The following CNKSR3 variants were observed in gnomAD, a reference collection of about 807,000 sequenced individuals.
CNKSR3 encodes the protein CNKSR family member 3.
In CNKSR3, 36 loss-of-function variants were observed where a neutral mutation model predicts 67.7. The ratio of observed to expected loss-of-function variants is 0.53; its 90% confidence interval spans 0.41 to 0.70. CNKSR3 has a LOEUF of 0.70. CNKSR3 is among the 30% of genes least tolerant of loss of function. The pLI is 0.00. For synonymous variants in CNKSR3, 281 were observed against 271.4 expected (o/e 1.04, Z -0.35); for missense variants, 630 against 695.2 (o/e 0.91, Z 1.05).
At chr6:154,474,915 G>A (rs570203859) in intron 1 of CNKSR3, among the ~76,000 whole-genome samples, 1 of 152,356 alleles carries the variant, frequency 6.6e-6, no homozygotes, top group East Asian at 1.9e-4. Flanking sequence ...GAGTCAGAAA[G>A]TTGGGCAGAG....
chr6:154,491,957 C>T (rs1027401073), intron 1 of CNKSR3, among the ~76,000 whole-genome samples: 8 of 152,158 alleles, frequency 5.3e-5, no homozygotes, highest in East Asian at 1.9e-4. Context: ...AGGTGCTTCA[C>T]GAGCAGGTGG....
At chr6:154,507,059 A>C (rs1213391390) in intron 1 of CNKSR3, among the ~76,000 whole-genome samples, 1 of 152,224 alleles carries the variant, frequency 6.6e-6, no homozygotes, top group Non-Finnish European at 1.5e-5. Flanking sequence ...CTCAACTGCA[A>C]AATGGAAATA....
At chr6:154,482,532 T>C (rs1026720348) in intron 1 of CNKSR3, among the ~76,000 whole-genome samples, 1 of 152,240 alleles carries the variant, frequency 6.6e-6, no homozygotes, top group Non-Finnish European at 1.5e-5. Flanking sequence ...TATCTAAATA[T>C]AGTGATGCAG....
At position 154,406,479 on chromosome 6, in the gene CNKSR3, C is replaced by A; in HGVS notation, c.1543G>T (p.Ala515Ser). 6.2e-7 allele frequency: 1 copy of A among 1,614,170 alleles called. No homozygotes were observed. Among genetic ancestry groups the A allele is most frequent in the Non-Finnish European group, 8.5e-7 (1 of 1,180,034 alleles). Reference protein sequence around the residue: ...CYINSDLHSSATIPFQEEGTK... With the variant: ...CYINSDLHSSSTIPFQEEGTK... ...CCTTCCTCCTGGAATGGAATCGTGG[C>A]GCTGCTGTGGAGATCTGAGTTGATG... The change falls in exon 13 of 13, where the codon GCC becomes TCC. Residue 515 changes from alanine (A) to serine (S), a missense_variant. Ala to Ser is a moderately conservative substitution (Grantham distance 99). Coordinates refer to ENST00000607772, the MANE Select transcript of CNKSR3 (RefSeq NM_173515.4).
At chr6:154,482,121 G>A (rs569344705) in intron 1 of CNKSR3, among the ~76,000 whole-genome samples, 1 of 152,286 alleles carries the variant, frequency 6.6e-6, no homozygotes, top group East Asian at 1.9e-4. Context: ...CTCTCAAATA[G>A]GCTTTGTAAA....
chr6:154,411,462 C>A (rs1784909403), intron 10 of CNKSR3, among the ~76,000 whole-genome samples: 2 of 152,024 alleles, frequency 1.3e-5, no homozygotes, highest in South Asian at 4.2e-4. Context: ...GCCTGACAAA[C>A]AAGGTGAAAC....
chr6:154,422,110 A>C (rs943509819), intron 9 of CNKSR3, among the ~76,000 whole-genome samples: 19 of 150,332 alleles, frequency 1.3e-4, no homozygotes, highest in Non-Finnish European at 2.2e-4. Flanking sequence ...CTCCTGCCTC[A>C]GCCTCCCCAG....
At chr6:154,486,682 C>T (rs1388025152) in intron 1 of CNKSR3, among the ~76,000 whole-genome samples, 2 of 150,586 alleles carry the variant, frequency 1.3e-5, no homozygotes, top group African/African-American at 2.4e-5. Flanking sequence ...TTAGTAGAGA[C>T]GGGGTTTCAC....
At chr6:154,473,399 G>A (rs1015745478) in intron 1 of CNKSR3, among the ~76,000 whole-genome samples, 2 of 152,108 alleles carry the variant, frequency 1.3e-5, no homozygotes, top group Admixed American at 6.5e-5. Context: ...AATGATTATC[G>A]CCATTTTTTT....
rs576635461 is a variant in CNKSR3 at position 154,474,236 on chromosome 6, C to A, written c.53-23978G>T. ...CACCATCCTGGCTCACATGGTGAAA[C>A]CCCGTCTCTACTAAAAAACATAAAA... On this transcript the variant is annotated intron_variant, in intron 1 of 12. Coordinates refer to ENST00000607772, the MANE Select transcript of CNKSR3 (RefSeq NM_173515.4). Among the ~76,000 whole-genome samples the A allele has an allele frequency of 5.9e-5, 9 of 151,544 alleles. No homozygotes were observed. In the South Asian group the frequency reaches 1.0e-3, roughly 18 times the overall value.
Position 154,505,946 on chromosome 6 carries a change from G to A in CNKSR3, c.52+4117C>T, listed in dbSNP as rs375474030. ...TAAAGCAGAAAAACGACTTGTGGTA[G>A]CTGCATTTGACAATGAAATTTCTCA... On this transcript the variant is annotated intron_variant, in intron 1 of 12. Coordinates refer to ENST00000607772, the MANE Select transcript of CNKSR3 (RefSeq NM_173515.4). 1.2e-4 allele frequency among the ~76,000 whole-genome samples: 19 copies of A among 152,322 alleles called. No individual in the cohort carries two copies. The South Asian group carries it at 3.3e-3, about 27-fold the overall frequency.
chr6:154,503,205 C>T (rs1435769089), intron 1 of CNKSR3, among the ~76,000 whole-genome samples: 11 of 152,122 alleles, frequency 7.2e-5, no homozygotes, highest in Admixed American at 7.2e-4. Flanking sequence ...GTGTGACTAG[C>T]CAAAAGCCCA....
At chr6:154,496,552 T>G (rs899206397) in intron 1 of CNKSR3, among the ~76,000 whole-genome samples, 3 of 152,248 alleles carry the variant, frequency 2.0e-5, no homozygotes, top group Non-Finnish European at 2.9e-5. Flanking sequence ...ATGTGGGCAT[T>G]TTGATGTATT....
At chr6:154,448,835 C>T (rs948688812) in intron 2 of CNKSR3, among the ~76,000 whole-genome samples, 3 of 152,176 alleles carry the variant, frequency 2.0e-5, no homozygotes, top group Non-Finnish European at 4.4e-5. Flanking sequence ...CGCAGACCAG[C>T]GACGGCAAAA....
At chr6:154,452,629 G>A (rs146217375) in intron 1 of CNKSR3, among the ~76,000 whole-genome samples, 1 of 152,336 alleles carries the variant, frequency 6.6e-6, no homozygotes, top group East Asian at 1.9e-4. Flanking sequence ...TTTCAAGCCT[G>A]TTATGGCTAA....
chr6:154,493,882 T>C (rs1480503624), intron 1 of CNKSR3, among the ~76,000 whole-genome samples: 1 of 151,812 alleles, frequency 6.6e-6, no homozygotes, highest in Non-Finnish European at 1.5e-5. Context: ...TCCCACCAGG[T>C]CCCTCCTCCA....
Position 154,450,217 on chromosome 6 carries a change from G to A in CNKSR3, c.94C>T (p.Arg32Ter), listed in dbSNP as rs758948490. The A allele has an allele frequency of 2.5e-6, 4 of 1,614,098 alleles. No homozygotes were observed. The highest frequency in any genetic ancestry group is 3.4e-6 in the Non-Finnish European group (4 of 1,180,018). ...AGCTGCTCGCCGTTGATCTTCTCTC[G>A]TTCAAACTTGTGGACATATTGTTGC... ...CLQQYVHKFE[R>*]EKINGEQLLQ... Residue 32 changes from arginine to a stop codon, truncating the protein, a stop_gained, in exon 2 of 13, where the codon CGA becomes TGA. Coordinates refer to ENST00000607772, the MANE Select transcript of CNKSR3 (RefSeq NM_173515.4). LOFTEE classifies it high-confidence loss of function.
At chr6:154,454,193 A>G (rs1459196391) in intron 1 of CNKSR3, among the ~76,000 whole-genome samples, 1 of 151,738 alleles carries the variant, frequency 6.6e-6, no homozygotes, top group East Asian at 1.9e-4. Flanking sequence ...TGACCGGGTA[A>G]CCTGGAGCAA....
At position 154,441,950 on chromosome 6, in the gene CNKSR3, G is replaced by A. The variant is rs1051856627; in HGVS notation, c.419+138C>T. On this transcript the variant is annotated intron_variant, in intron 3 of 12. Coordinates refer to ENST00000607772, the MANE Select transcript of CNKSR3 (RefSeq NM_173515.4). Reference sequence around the variant, plus strand: ...CAAAGGAATCCTAAAATCTACCACTGATCGAGGACTCCTTAAGAGCCGGTA... The same window carrying A: ...CAAAGGAATCCTAAAATCTACCACTAATCGAGGACTCCTTAAGAGCCGGTA... The A allele has an allele frequency of 4.1e-6, 3 of 724,166 alleles. No homozygotes were observed. The African/African-American group carries it at 5.3e-5, about 13-fold the overall frequency. 44.9% of individuals were successfully genotyped at this position (724,166 alleles called of 1,614,324 possible). A position where few individuals can be genotyped will look rare whatever the true frequency, so the allele number is the denominator to read the frequency against.
Sources: gnomAD v4.1 joint callset for allele counts (sites outside exome capture counted in the v4.1 genomes callset) on GRCh38, gnomAD v4.1.1 for gene constraint, MANE v1.5 for transcripts, NCBI Gene and HGNC (gene_info 2026-07-23, HGNC 2026-07-21) for gene names.